ABCA7: variants seen among roughly 807,000 people sequenced by gnomAD.
ABCA7 encodes the protein phospholipid-transporting ATPase ABCA7.
A neutral mutation model predicts 227.6 loss-of-function variants in ABCA7; 261 were observed. The observed-to-expected ratio is 1.15, with a 90% confidence interval of 1.04 to 1.27. The LOEUF (loss-of-function observed/expected upper bound fraction) is 1.27. Ranked by LOEUF, ABCA7 falls within the 50% of genes most tolerant of loss-of-function variation. ABCA7 has a pLI of 0.00. For missense variants in ABCA7, 3,331 were observed against 2,924.5 expected (o/e 1.14, Z -3.21); for synonymous variants, 1,488 against 1,279.7 (o/e 1.16, Z -3.47).
Position 1,042,144 on chromosome 19 carries a change from T to A in ABCA7, c.383T>A (p.Leu128Gln). ...AGGACGCTGGCTGGCCTAGGGAAGC[T>A]GATCGCCACGCTGAGGGCTGCACGC... ...AHRTLAGLGK[L>Q]IATLRAARST... The change falls in exon 5 of 47, where the codon CTG (leucine) becomes CAG (glutamine). Residue 128 changes from leucine (L) to glutamine (Q), a missense_variant. Coordinates refer to ENST00000263094, the MANE Select transcript of ABCA7 (RefSeq NM_019112.4). 6.3e-7 allele frequency: 1 copy of A among 1,599,850 alleles called. No homozygotes were observed. Among genetic ancestry groups the A allele is most frequent in the African/African-American group, 1.3e-5 (1 of 74,962 alleles).
At chr19:1,047,731 G>A (rs929942406) in intron 16 of ABCA7, 77 bp downstream of exon 16, 1 of 1,435,344 alleles carries the variant, frequency 7.0e-7, no homozygotes, top group East Asian at 2.6e-5. Context: ...GTGGCCTCCA[G>A]GCCGTTTGGG....
chr19:1,053,235 A>G (rs2041933072), intron 23 of ABCA7, 94 bp from the exon 24 acceptor site: 6 of 1,315,202 alleles, frequency 4.6e-6, no homozygotes, highest in South Asian at 1.4e-5. Context: ...GTCTGCCGGG[A>G]CAGTCCCCTC....
In ABCA7 at chr19:1,056,308, T is replaced by G; in HGVS notation, c.4417-22T>G. The stretch of plus-strand genomic sequence containing the variant: ...AGGTCCAACCCCATTGCTCTGACCC[T>G]ATGACCTTGACCCCCACCCAGATCT... On this transcript the variant is annotated intron_variant, in intron 32 of 46. Coordinates refer to ENST00000263094, the MANE Select transcript of ABCA7 (RefSeq NM_019112.4). The surrounding 1 kb of genome is among the most constrained non-coding windows in gnomAD (Gnocchi z 4.3). The G allele has an allele frequency of 6.2e-7, 1 of 1,610,638 alleles. No homozygotes were observed. The highest frequency in any genetic ancestry group is 8.5e-7 in the Non-Finnish European group (1 of 1,178,816).
At position 1,041,283 on chromosome 19, in the gene ABCA7, G is replaced by A. The variant is rs1422226924; in HGVS notation, c.-79G>A. On this transcript the variant is annotated 5_prime_UTR_variant, in exon 2 of 47. Coordinates refer to ENST00000263094, the MANE Select transcript of ABCA7 (RefSeq NM_019112.4). Reference sequence around the variant, plus strand: ...AATGAGGTTCAGAAAGGGGCAGGGAGTTGCCCGCAGCCGCACCGCACGTCT... The same window carrying A: ...AATGAGGTTCAGAAAGGGGCAGGGAATTGCCCGCAGCCGCACCGCACGTCT... 9.1e-6 allele frequency: 13 copies of A among 1,421,114 alleles called. No homozygotes were observed. The South Asian group carries it at 1.3e-4, about 14-fold the overall frequency. 88.0% of individuals were successfully genotyped at this position (1,421,114 alleles called of 1,614,324 possible). A position where few individuals can be genotyped will look rare whatever the true frequency, so the allele number is the denominator to read the frequency against.
intron 16 of ABCA7, 27 bp downstream of exon 16, chr19:1,047,681 G>C: frequency 6.4e-7 from 1 of 1,559,442 alleles, no homozygotes; most frequent in Admixed American, 1.8e-5. Context: ...GGGGCTCCGG[G>C]CCGGGTCGCA....
In ABCA7 at chr19:1,043,746, C is replaced by A. The variant is rs756204320; in HGVS notation, c.952C>A (p.Leu318Ile). 1.1e-5 allele frequency: 17 copies of A among 1,612,878 alleles called. No individual in the cohort carries two copies. The highest frequency in any genetic ancestry group is 1.7e-5 in the Admixed American group (1 of 59,968). Residue 318 changes from leucine (L) to isoleucine (I), a missense_variant, in exon 10 of 47, where the codon CTC (leucine) becomes ATC (isoleucine). By Grantham distance (5) the Leu-to-Ile change is conservative. Transcript: ENST00000263094. ...ACAGGTGAACCGGACCTTCGAGGAGCTCACCCTGCTGAGGGATGTCCGGGA... is the reference window on the plus strand; with the variant it reads ...ACAGGTGAACCGGACCTTCGAGGAGATCACCCTGCTGAGGGATGTCCGGGA... Reference protein sequence around the residue: ...MAQVNRTFEELTLLRDVREVW... With the variant: ...MAQVNRTFEEITLLRDVREVW...
intron 46 of ABCA7, 47 bp from the exon 47 acceptor site, chr19:1,065,223 C>G (rs2042971037): frequency 2.5e-6 from 4 of 1,606,726 alleles, no homozygotes; most frequent in African/African-American, 1.3e-5. Flanking sequence ...GGGCCAGGCC[C>G]GTGGGCTGAC....
At chr19:1,046,145 CCTGT>C (rs1298157672) in intron 12 of ABCA7, 81 bp from the exon 13 acceptor site, 13 of 1,456,100 alleles carry the variant, frequency 8.9e-6, no homozygotes, top group Non-Finnish European at 1.2e-5. Flanking sequence ...AGAGCAAGAC[CCTGT>C]CTAAGAAAAA....
At chr19:1,052,348 A>T (rs1599651274) in intron 23 of ABCA7, 62 bp downstream of exon 23, 41 of 477,138 alleles carry the variant, frequency 8.6e-5, no homozygotes, top group Non-Finnish European at 1.0e-4. Flanking sequence ...CCTTAACTTG[A>T]GGAGGAGGAG....
chr19:1,041,827 G>A lies in ABCA7; in HGVS notation c.161-4G>A, dbSNP rs199601811. On this transcript the variant is annotated splice_region_variant and splice_polypyrimidine_tract_variant and intron_variant, in intron 3 of 46. Transcript: ENST00000263094. ...GGGCCTCAGCACCAGGCGTCTCCCC[G>A]CAGGCCACTTCCCAAACAAGCCACT... The A allele has an allele frequency of 2.5e-6, 4 of 1,601,236 alleles. No individual in the cohort carries two copies. Among genetic ancestry groups the A allele is most frequent in the South Asian group, 2.2e-5 (2 of 90,344 alleles).
chr19:1,044,975 C>T lies in ABCA7; in HGVS notation c.1216-27C>T, dbSNP rs1366546349. Reference sequence around the variant, plus strand: ...TCTAGGAGGCAGGCGGACCCCAGCGCCTAGGACTCACCCCCGCATCCCACA... The same window carrying T: ...TCTAGGAGGCAGGCGGACCCCAGCGTCTAGGACTCACCCCCGCATCCCACA... On this transcript the variant is annotated intron_variant, in intron 11 of 46. Transcript: ENST00000263094. 6 of 1,609,758 alleles carry T rather than the reference C, an allele frequency of 3.7e-6. No homozygotes were observed. The South Asian group carries it at 6.6e-5, about 18-fold the overall frequency.
intron 18 of ABCA7, among the ~76,000 whole-genome samples, chr19:1,050,199 T>C (rs1440917175): frequency 6.7e-6 from 1 of 148,164 alleles, no homozygotes; most frequent in Admixed American, 6.8e-5. Context: ...TTGCCTGAGG[T>C]CAGAGTTTGA....
At position 1,052,261 on chromosome 19, in the gene ABCA7, G is replaced by A; in HGVS notation, c.3195G>A (p.Lys1065=). 6.5e-7 allele frequency: 1 copy of A among 1,548,132 alleles called. No individual in the cohort carries two copies. Among genetic ancestry groups the A allele is most frequent in the African/African-American group, 1.4e-5 (1 of 70,760 alleles). Residue 1065 remains lysine (K), a synonymous_variant, in exon 23 of 47, where the codon AAG becomes AAA. Transcript: ENST00000263094. ...GTGTGGACACCAGGCAGGAAAAGAA[G>A]AATGGCAGCCAGGGCAGCAGAGTCG... ...EGSVDTRQEK[K]NGSQGSRVGT... is the part of the protein sequence containing the mutation.
chr19:1,056,128 G>A lies in ABCA7; in HGVS notation c.4301G>A (p.Arg1434His), dbSNP rs369849959. Reference sequence around the variant, plus strand: ...CTGCCCTCGGGCCAAGAGTTGGGCCGCTCAGTGGAGGAGTTGTGGGCGCTG... The same window carrying A: ...CTGCCCTCGGGCCAAGAGTTGGGCCACTCAGTGGAGGAGTTGTGGGCGCTG... The part of the protein sequence containing the change: ...PGLPSGQELG[R>H]SVEELWALLS... Residue 1434 changes from arginine (R) to histidine (H), a missense_variant, in exon 32 of 47, where the codon CGC (arginine) becomes CAC (histidine). By Grantham distance (29) the Arg-to-His change is conservative (BLOSUM62 0). Transcript: ENST00000263094. The surrounding 1 kb of genome is among the most constrained non-coding windows in gnomAD (Gnocchi z 4.3). 34 of 1,609,096 alleles carry A rather than the reference G, an allele frequency of 2.1e-5. No homozygotes were observed. The highest frequency in any genetic ancestry group is 1.1e-4 in the African/African-American group (8 of 74,932).
At chr19:1,047,739 G>C in intron 16 of ABCA7, 85 bp downstream of exon 16, 3 of 1,378,644 alleles carry the variant, frequency 2.2e-6, no homozygotes, top group Non-Finnish European at 1.9e-6. Context: ...CAGGCCGTTT[G>C]GGGGTGGGGG....
Position 1,043,307 on chromosome 19 carries a change from C to T in ABCA7, c.791-27C>T, listed in dbSNP as rs571233230. 3 of 1,612,588 alleles carry T rather than the reference C, an allele frequency of 1.9e-6. No homozygotes were observed. In the African/African-American group the frequency reaches 4.0e-5, roughly 22 times the overall value. On this transcript the variant is annotated intron_variant, in intron 8 of 46. Transcript: ENST00000263094. ...GGAAGTGGAACTCTGGGCAGGGGGG[C>T]AGGGCCTCATGGCACCCCCATCCCA...
rs1171166944 is a variant in ABCA7, at chr19:1,049,265, G to A, written c.2381-1G>A. ...TGGCTGAGTCCACCCCATCTCTGCA[G>A]TGCTGGTAGAAGAGGCACCGCCCGG... On this transcript the variant is annotated splice_acceptor_variant, in intron 17 of 46. Transcript: ENST00000263094. LOFTEE classifies it high-confidence loss of function. The A allele has an allele frequency of 5.0e-6, 8 of 1,600,968 alleles. No homozygotes were observed. Among genetic ancestry groups the A allele is most frequent in the Non-Finnish European group, 6.8e-6 (8 of 1,172,214 alleles).
rs11670545 is a variant in ABCA7 at position 1,063,091 on chromosome 19, T to C, written c.5713-453T>C. Among the ~76,000 whole-genome samples, 36 of 69,918 alleles carry C rather than the reference T, an allele frequency of 5.1e-4. 2 individuals are homozygous for C. The highest frequency in any genetic ancestry group is 1.2e-3 in the South Asian group (2 of 1,654). The allele number at this position is 69,918 out of a possible 152,430, so 45.9% of individuals were successfully genotyped here. ...CCCTGCCCCATACTCATGCTGGCTCTACCCACACCATGGCCCCGCCGCATA... is the reference window on the plus strand; with the variant it reads ...CCCTGCCCCATACTCATGCTGGCTCCACCCACACCATGGCCCCGCCGCATA... On this transcript the variant is annotated intron_variant, in intron 42 of 46. Transcript: ENST00000263094.
chr19:1,061,886 C>A lies in ABCA7; in HGVS notation c.5568C>A (p.His1856Gln). 6.3e-7 allele frequency: 1 copy of A among 1,588,780 alleles called. No homozygotes were observed. Residue 1856 changes from histidine to glutamine, a missense_variant and splice_region_variant, in exon 41 of 47, where the codon CAC (histidine) becomes CAA (glutamine). By Grantham distance (24) the His-to-Gln change is conservative. Coordinates refer to ENST00000263094, the MANE Select transcript of ABCA7 (RefSeq NM_019112.4). Reference sequence around the variant, plus strand: ...GGGGCGAGGCTGTGCTGGCAGGCCACAGGTGAGGGGTGCCAGGTAGGGTCA... The same window carrying A: ...GGGGCGAGGCTGTGCTGGCAGGCCAAAGGTGAGGGGTGCCAGGTAGGGTCA... Reference protein sequence around the residue: ...ASRGEAVLAGHSVAREPSAAH... With the variant: ...ASRGEAVLAGQSVAREPSAAH...
Sources: gnomAD v4.1 joint callset for allele counts (sites outside exome capture counted in the v4.1 genomes callset) on GRCh38, gnomAD v4.1.1 for gene constraint, Gnocchi (gnomAD v3.1) non-coding constraint, MANE v1.5 for transcripts, NCBI Gene and HGNC (gene_info 2026-07-23, HGNC 2026-07-21) for gene names.